Variants in CRADD observed in about 807,000 individuals in gnomAD.
CRADD encodes the protein death domain-containing protein CRADD.
A neutral mutation model predicts 15.5 loss-of-function variants in CRADD; 9 were observed. That is an observed-to-expected ratio of 0.58 (90% CI 0.35 to 1.01). The LOEUF (loss-of-function observed/expected upper bound fraction) is 1.01, where lower values mean the gene tolerates loss of function less well. Among genes scored for constraint, CRADD ranks in the 50% least tolerant of loss-of-function variants. The pLI is 0.02. For synonymous variants in CRADD, 118 were observed against 107.6 expected, an observed-to-expected ratio of 1.10 and a Z score of -0.60; for missense variants, 227 against 250.3, an observed-to-expected ratio of 0.91 and a Z score of 0.63.
chr12:93,839,246 T>C (rs531402217), intron 2 of CRADD, among the ~76,000 whole-genome samples: 138 of 152,338 alleles, frequency 9.1e-4, no homozygotes, highest in Non-Finnish European at 1.8e-3. Flanking sequence ...TTCCAACTCC[T>C]TTCTTCCGAC....
chr12:93,705,217 T>C (rs1030626925), intron 2 of CRADD, among the ~76,000 whole-genome samples: 11 of 152,216 alleles, frequency 7.2e-5, no homozygotes, highest in African/African-American at 2.7e-4. Context: ...GTTGAGCAGA[T>C]GCATTTATGG....
At chr12:93,781,590 C>A (rs973480553) in intron 2 of CRADD, among the ~76,000 whole-genome samples, 1 of 152,180 alleles carries the variant, frequency 6.6e-6, no homozygotes, top group South Asian at 2.1e-4. Context: ...AAAAGTGGAA[C>A]AGCCGAACGT....
chr12:93,840,747 G>C (rs900475075), intron 2 of CRADD, among the ~76,000 whole-genome samples: 2 of 151,824 alleles, frequency 1.3e-5, no homozygotes, highest in African/African-American at 4.8e-5. Context: ...TGTAATTTTA[G>C]TGGAGACGGG....
At chr12:93,861,669 A>G (rs1169908812) in intron 2 of CRADD, among the ~76,000 whole-genome samples, 1 of 152,206 alleles carries the variant, frequency 6.6e-6, no homozygotes, top group Admixed American at 6.5e-5. Flanking sequence ...ACTACGTCAC[A>G]GCCCAGCTTC....
At chr12:93,880,251 T>C (rs912645112) in intron 2 of CRADD, among the ~76,000 whole-genome samples, 1 of 152,316 alleles carries the variant, frequency 6.6e-6, no homozygotes, top group African/African-American at 2.4e-5. Flanking sequence ...GCATGTTGGC[T>C]TAGTGCACCA....
chr12:93,809,593 C>A (rs1957596022), intron 2 of CRADD, among the ~76,000 whole-genome samples: 1 of 152,156 alleles, frequency 6.6e-6, no homozygotes, highest in African/African-American at 2.4e-5. Context: ...ACCATGCCTC[C>A]CCAGTGCCTG....
chr12:93,798,530 A>G (rs1010951895), intron 2 of CRADD, among the ~76,000 whole-genome samples: 2 of 152,144 alleles, frequency 1.3e-5, no homozygotes, highest in Non-Finnish European at 2.9e-5. Context: ...ATGACCTCTC[A>G]GAAACAGAGA....
intron 2 of CRADD, among the ~76,000 whole-genome samples, chr12:93,795,217 A>C (rs775536475): frequency 1.3e-5 from 2 of 152,204 alleles, no homozygotes; most frequent in Non-Finnish European, 2.9e-5. Context: ...TTGCATGAAT[A>C]AACAAATGAA....
intron 2 of CRADD, among the ~76,000 whole-genome samples, chr12:93,869,421 C>A (rs1958399524): frequency 6.6e-6 from 1 of 151,864 alleles, no homozygotes; most frequent in Non-Finnish European, 1.5e-5. Context: ...GAGAGAAACT[C>A]CAGAAAATAA....
At chr12:93,755,941 C>G (rs911193264) in intron 2 of CRADD, among the ~76,000 whole-genome samples, 2 of 151,936 alleles carry the variant, frequency 1.3e-5, no homozygotes, top group African/African-American at 4.8e-5. Context: ...TGGGTGTGGG[C>G]CATGTTCTAA....
chr12:93,844,663 G>T (rs532304110), intron 2 of CRADD, among the ~76,000 whole-genome samples: 38 of 152,164 alleles, frequency 2.5e-4, no homozygotes, highest in Non-Finnish European at 4.9e-4. Flanking sequence ...GAGAGAGAAG[G>T]ATGACAGAGT....
intron 2 of CRADD, among the ~76,000 whole-genome samples, chr12:93,806,189 C>T (rs1043877487): frequency 3.1e-4 from 47 of 152,050 alleles, no homozygotes; most frequent in African/African-American, 9.7e-4. Flanking sequence ...CGCAGTGGCT[C>T]ATGCCTGTAA....
At chr12:93,701,611 G>A (rs1229159714) in intron 2 of CRADD, among the ~76,000 whole-genome samples, 1 of 152,200 alleles carries the variant, frequency 6.6e-6, no homozygotes, top group Non-Finnish European at 1.5e-5. Context: ...GAACTTCTGG[G>A]AAGAAAAGAG....
At chr12:93,766,954 G>A (rs1957032556) in intron 2 of CRADD, among the ~76,000 whole-genome samples, 1 of 152,184 alleles carries the variant, frequency 6.6e-6, no homozygotes, top group Admixed American at 6.5e-5. Context: ...ATAGAAATGT[G>A]TGTGCCAAGG....
intron 2 of CRADD, among the ~76,000 whole-genome samples, chr12:93,743,458 A>C (rs1956708322): frequency 6.6e-6 from 1 of 152,122 alleles, no homozygotes; most frequent in African/African-American, 2.4e-5. Flanking sequence ...CAGCCTCCCC[A>C]GCACCTGGGA....
chr12:93,816,742 G>C (rs1957703823), intron 2 of CRADD, among the ~76,000 whole-genome samples: 1 of 152,154 alleles, frequency 6.6e-6, no homozygotes, highest in Non-Finnish European at 1.5e-5. Flanking sequence ...CACCTGTCTA[G>C]GCAGGAGACT....
chr12:93,879,638 C>T (rs1958480955), intron 2 of CRADD, among the ~76,000 whole-genome samples: 1 of 152,110 alleles, frequency 6.6e-6, no homozygotes, highest in Non-Finnish European at 1.5e-5. Flanking sequence ...TTTAGAGCAC[C>T]TCAGGGCATT....
rs1956338744 is a variant in CRADD at position 93,725,257 on chromosome 12, T to G, written c.298+46185T>G. ...TTTTACCAGTGGTCCAGTATGGGTA[T>G]CAGTGGAACAATATATGTCTTAAGA... On this transcript the variant is annotated intron_variant, in intron 2 of 2. Coordinates refer to ENST00000332896, the MANE Select transcript of CRADD (RefSeq NM_003805.5). 2.6e-5 allele frequency among the ~76,000 whole-genome samples: 4 copies of G among 152,190 alleles called. No homozygotes were observed. The South Asian group carries it at 8.3e-4, about 31-fold the overall frequency.
chr12:93,816,729 GT>G (rs149239162), intron 2 of CRADD, among the ~76,000 whole-genome samples: 3,413 of 152,244 alleles, frequency 0.022, 65 homozygotes, highest in East Asian at 0.051. Context: ...TTTCTACCCA[GT>G]TCACCTGTCT....
Sources: allele counts gnomAD v4.1 joint callset (sites outside exome capture counted in the v4.1 genomes callset), GRCh38; gene constraint gnomAD v4.1.1; transcripts MANE v1.5; gene names NCBI Gene and HGNC (gene_info 2026-07-23, HGNC 2026-07-21).